Variants in SFXN1 observed in about 807,000 individuals in gnomAD.
SFXN1 encodes the protein sideroflexin-1.
Under a neutral mutation model 39.5 loss-of-function variants are expected in SFXN1, and 32 were observed. The observed-to-expected ratio is 0.81, with a 90% CI of 0.61 to 1.09. The LOEUF is 1.09. Ranked by LOEUF, SFXN1 falls within the 50% of genes least tolerant of loss-of-function variation. The probability of loss-of-function intolerance (pLI) is 0.00; values close to 1 mark genes in which losing one functional copy is unlikely to be tolerated. For synonymous variants in SFXN1, 136 were observed against 146.5 expected (o/e 0.93, Z 0.52); for missense variants, 402 against 407.1 (o/e 0.99, Z 0.11).
At chr5:175,500,740 G>C (rs1227602049) in intron 2 of SFXN1, among the ~76,000 whole-genome samples, 2 of 152,152 alleles carry the variant, frequency 1.3e-5, no homozygotes, top group Non-Finnish European at 2.9e-5. Flanking sequence ...TAAAGCTCTC[G>C]TAGTAACGAC....
chr5:175,499,285 A>G (rs1440656799), intron 2 of SFXN1, among the ~76,000 whole-genome samples: 2 of 152,088 alleles, frequency 1.3e-5, no homozygotes, highest in Non-Finnish European at 2.9e-5. Flanking sequence ...ATCAAACCAC[A>G]AACTCCAGCA....
At chr5:175,511,718 G>A in intron 5 of SFXN1, 192 bp downstream of exon 5, 1 of 598,002 alleles carries the variant, frequency 1.7e-6, no homozygotes, top group Non-Finnish European at 2.9e-6. Context: ...ACACCTACCA[G>A]GACTGTGGTC....
chr5:175,524,283 T>C (rs1489508012), intron 10 of SFXN1, among the ~76,000 whole-genome samples: 3 of 151,264 alleles, frequency 2.0e-5, no homozygotes, highest in Non-Finnish European at 4.4e-5. Context: ...TGTGTATGTA[T>C]CTTTAGTTTG....
At position 175,526,961 on chromosome 5, in the gene SFXN1, C is replaced by T. The variant is rs1010384634; in HGVS notation, c.*227C>T. On this transcript the variant is annotated 3_prime_UTR_variant, in exon 11 of 11. Transcript: ENST00000321442. ...TGTTATGATTTATAGAAATACCTTT[C>T]CTGTAGCTTTTATAGTCATTGTTTT... 1 of 532,732 alleles carries T rather than the reference C, an allele frequency of 1.9e-6. No homozygotes were observed. Among genetic ancestry groups the T allele is most frequent in the East Asian group, 3.0e-5 (1 of 32,806 alleles). 33.0% of individuals were successfully genotyped at this position (532,732 alleles called of 1,614,324 possible).
chr5:175,521,806 A>G (rs1249662507), intron 8 of SFXN1, 113 bp from the exon 9 acceptor site: 3 of 823,448 alleles, frequency 3.6e-6, no homozygotes, highest in East Asian at 5.1e-5. Flanking sequence ...TTCACTAACC[A>G]TGTTCTATCT....
At chr5:175,502,002 G>T (rs79246398) in intron 2 of SFXN1, among the ~76,000 whole-genome samples, 4 of 152,194 alleles carry the variant, frequency 2.6e-5, no homozygotes, top group Non-Finnish European at 4.4e-5. Flanking sequence ...GTGGCTAGGG[G>T]CTTGGGAAGT....
At chr5:175,515,961 C>G (rs1760706451) in intron 7 of SFXN1, among the ~76,000 whole-genome samples, 1 of 152,174 alleles carries the variant, frequency 6.6e-6, no homozygotes, top group Non-Finnish European at 1.5e-5. Context: ...GCACTAGATT[C>G]TCATAAGGAG....
chr5:175,509,287 T>C (rs1392899369), intron 3 of SFXN1, 85 bp downstream of exon 3: 1 of 1,362,790 alleles, frequency 7.3e-7, no homozygotes, highest in Middle Eastern at 1.9e-4. Context: ...TTTGTTGAAA[T>C]AAGTATTATT....
At chr5:175,503,789 G>T (rs1349534552) in intron 2 of SFXN1, among the ~76,000 whole-genome samples, 4 of 152,088 alleles carry the variant, frequency 2.6e-5, no homozygotes, top group Non-Finnish European at 5.9e-5. Flanking sequence ...GATCACCAGA[G>T]GTCAGGAATT....
In SFXN1 at chr5:175,496,766, A is replaced by C. The variant is rs372445412; in HGVS notation, c.164+4499A>C. On this transcript the variant is annotated intron_variant, in intron 2 of 10. Transcript: ENST00000321442. ...AGTACATTTTTCCAAGAATCCCTAAATGTCTCCCTTTTTTTTTCTCTTCAC... is the reference window on the plus strand; with the variant it reads ...AGTACATTTTTCCAAGAATCCCTAACTGTCTCCCTTTTTTTTTCTCTTCAC... 2.6e-5 allele frequency among the ~76,000 whole-genome samples: 4 copies of C among 152,256 alleles called. No individual in the cohort carries two copies. The East Asian group carries it at 7.7e-4, about 29-fold the overall frequency.
chr5:175,498,757 A>G (rs768758494), intron 2 of SFXN1, among the ~76,000 whole-genome samples: 1 of 152,246 alleles, frequency 6.6e-6, no homozygotes, highest in African/African-American at 2.4e-5. Flanking sequence ...AGTGAAATAT[A>G]TAACATTCTA....
chr5:175,517,628 G>A (rs768381838), intron 8 of SFXN1, among the ~76,000 whole-genome samples: 7 of 152,110 alleles, frequency 4.6e-5, no homozygotes, highest in Admixed American at 1.3e-4. Context: ...GGTATATGTC[G>A]GTGTTGCATT....
At chr5:175,486,443 A>C (rs1759453949) in intron 1 of SFXN1, among the ~76,000 whole-genome samples, 1 of 152,200 alleles carries the variant, frequency 6.6e-6, no homozygotes, top group African/African-American at 2.4e-5. Flanking sequence ...GTTCTTATAC[A>C]TGATAATACT....
rs1158258871 is a variant in SFXN1 at position 175,527,511 on chromosome 5, A to G, written c.*777A>G. On this transcript the variant is annotated 3_prime_UTR_variant, in exon 11 of 11. Coordinates refer to ENST00000321442, the MANE Select transcript of SFXN1 (RefSeq NM_022754.7). ...AAATAATGAAATAACTGAAATGTAC[A>G]AATGTCAAATTTTGGAAGTATATTC... The G allele has an allele frequency of 6.6e-6, 1 of 152,250 alleles. No individual in the cohort carries two copies. The highest frequency in any genetic ancestry group is 1.5e-5 in the Non-Finnish European group (1 of 68,048). 9.4% of individuals were successfully genotyped at this position (152,250 alleles called of 1,614,324 possible). A position where few individuals can be genotyped will look rare whatever the true frequency, so the allele number is the denominator to read the frequency against.
intron 10 of SFXN1, chr5:175,524,119 AAAAAAAATATATATATATATAT>A (rs1353964857): frequency 1.3e-3 from 50 of 38,580 alleles, no homozygotes; most frequent in African/African-American, 6.4e-3. Context: ...AAAAAAAAAA[AAAAAAAATATATATATATATAT>A]ATATATATAT....
intron 2 of SFXN1, among the ~76,000 whole-genome samples, chr5:175,501,678 T>G (rs1017440000): frequency 2.0e-5 from 3 of 152,118 alleles, no homozygotes; most frequent in African/African-American, 4.8e-5. Context: ...TTGAGTAGAC[T>G]TAGGACACTT....
In SFXN1 at chr5:175,510,226, A is replaced by G; in HGVS notation, c.434+19A>G. On this transcript the variant is annotated intron_variant, in intron 4 of 10. Transcript: ENST00000321442. The stretch of plus-strand genomic sequence containing the variant: ...CTGTCAAGTAAGGCTACGAGAATTG[A>G]CCACTCTCTGCAGTTCTTCAACCTT... 6.3e-7 allele frequency: 1 copy of G among 1,589,610 alleles called. No individual in the cohort carries two copies. The highest frequency in any genetic ancestry group is 2.2e-5 in the East Asian group (1 of 44,594).
At chr5:175,490,814 A>G (rs1471828481) in intron 1 of SFXN1, among the ~76,000 whole-genome samples, 1 of 152,204 alleles carries the variant, frequency 6.6e-6, no homozygotes, top group African/African-American at 2.4e-5. Flanking sequence ...TATATCCAAA[A>G]TGAACAGCGG....
At chr5:175,516,294 T>G (rs1199525386) in intron 7 of SFXN1, among the ~76,000 whole-genome samples, 1 of 152,136 alleles carries the variant, frequency 6.6e-6, no homozygotes, top group African/African-American at 2.4e-5. Flanking sequence ...GCCCTTTGTT[T>G]TATTAATATA....
Sources: gnomAD v4.1 joint callset for allele counts (sites outside exome capture counted in the v4.1 genomes callset) on GRCh38, gnomAD v4.1.1 for gene constraint, MANE v1.5 for transcripts, NCBI Gene and HGNC (gene_info 2026-07-23, HGNC 2026-07-21) for gene names.